Variants in RAD54B observed in about 807,000 individuals in gnomAD.
RAD54B encodes the protein DNA repair and recombination protein RAD54B.
A neutral mutation model predicts 95.8 loss-of-function variants in RAD54B; 78 were observed. The observed-to-expected ratio is 0.81, with a 90% CI of 0.68 to 0.98. The LOEUF is 0.98. Among genes scored for constraint, RAD54B ranks in the 50% least tolerant of loss-of-function variants. The pLI is 0.00. For synonymous variants in RAD54B, 328 were observed against 354.9 expected (o/e 0.92, Z 0.85); for missense variants, 957 against 1,056.6 (o/e 0.91, Z 1.31).
At chr8:94,423,122 G>T (rs947726624) in intron 3 of RAD54B, among the ~76,000 whole-genome samples, 1 of 151,832 alleles carries the variant, frequency 6.6e-6, no homozygotes, top group African/African-American at 2.4e-5. Context: ...GGTGGCTCAC[G>T]CCTGTAATCC....
intron 3 of RAD54B, chr8:94,430,748 G>C (rs1360336010): frequency 3.1e-6 from 3 of 974,716 alleles, no homozygotes; most frequent in Non-Finnish European, 3.7e-6. Flanking sequence ...TTTAAAATTG[G>C]AAGATTCCTC....
At chr8:94,464,016 C>G (rs1238694909) in intron 2 of RAD54B, among the ~76,000 whole-genome samples, 2 of 151,756 alleles carry the variant, frequency 1.3e-5, no homozygotes, top group Non-Finnish European at 2.9e-5. Flanking sequence ...TGGAAACAAC[C>G]CAAATGACCA....
intron 3 of RAD54B, among the ~76,000 whole-genome samples, chr8:94,418,053 AAT>A (rs1369172370): frequency 1.1e-4 from 17 of 152,194 alleles, no homozygotes; most frequent in African/African-American, 3.4e-4. Flanking sequence ...TTCCTTCCCT[AAT>A]GAGAGTGTAT....
At chr8:94,387,604 A>G (rs1050036416) in intron 10 of RAD54B, among the ~76,000 whole-genome samples, 5 of 152,166 alleles carry the variant, frequency 3.3e-5, no homozygotes, top group Non-Finnish European at 7.3e-5. Flanking sequence ...GCTTCATACA[A>G]CACCTTTACA....
chr8:94,466,964 G>T lies in RAD54B; in HGVS notation c.135+441C>A, dbSNP rs189444617. On this transcript the variant is annotated intron_variant, in intron 2 of 14. Coordinates refer to ENST00000336148, the MANE Select transcript of RAD54B (RefSeq NM_012415.3). ...GAATGAGACAGGGTCTTGCTGTGTT[G>T]CCCAGGCTGGATGGAGTGCAGTGGC... 3.4e-3 allele frequency among the ~76,000 whole-genome samples: 519 copies of T among 151,992 alleles called. 1 individual carries two copies. The highest frequency in any genetic ancestry group is 0.012 in the African/African-American group (483 of 41,458).
intron 14 of RAD54B, among the ~76,000 whole-genome samples, chr8:94,374,611 T>C (rs900477235): frequency 9.9e-5 from 15 of 151,944 alleles, no homozygotes; most frequent in Admixed American, 9.8e-4. Context: ...CAAACCCTAA[T>C]GATAAGAAAA....
At chr8:94,427,767 CCAT>C (rs944687405) in intron 3 of RAD54B, 1 of 964,786 alleles carries the variant, frequency 1.0e-6, no homozygotes, top group Non-Finnish European at 1.2e-6. Flanking sequence ...AAGCATTTAA[CCAT>C]CATTATCTAC....
chr8:94,459,774 C>A (rs1207321835), intron 2 of RAD54B, among the ~76,000 whole-genome samples: 1 of 151,234 alleles, frequency 6.6e-6, no homozygotes, highest in Admixed American at 6.6e-5. Flanking sequence ...GCAGGAGAAT[C>A]GCTTGAACTC....
chr8:94,459,446 C>T (rs1157038574), intron 2 of RAD54B, among the ~76,000 whole-genome samples: 6 of 151,866 alleles, frequency 4.0e-5, no homozygotes, highest in African/African-American at 4.8e-5. Flanking sequence ...CCACCATACC[C>T]GGCCTTAAAA....
chr8:94,450,524 T>G (rs1365757930), intron 3 of RAD54B, among the ~76,000 whole-genome samples: 1 of 152,134 alleles, frequency 6.6e-6, no homozygotes, highest in East Asian at 1.9e-4. Context: ...ACAAAAGAAG[T>G]TTTATCATGT....
chr8:94,425,024 T>C (rs562857764), intron 3 of RAD54B, among the ~76,000 whole-genome samples: 3 of 138,426 alleles, frequency 2.2e-5, no homozygotes, highest in East Asian at 4.3e-4. Context: ...ACTGTGCCAC[T>C]GTACTCCAGC....
At chr8:94,406,294 C>A (rs1164120799) in intron 5 of RAD54B, among the ~76,000 whole-genome samples, 1 of 152,036 alleles carries the variant, frequency 6.6e-6, no homozygotes, top group African/African-American at 2.4e-5. Flanking sequence ...TTACTCAGAT[C>A]TCTGAATAAG....
At chr8:94,443,511 T>C (rs1812449010) in intron 3 of RAD54B, among the ~76,000 whole-genome samples, 1 of 149,330 alleles carries the variant, frequency 6.7e-6, no homozygotes, top group African/African-American at 2.5e-5. Context: ...CCCAAGGGAA[T>C]AAAATGAAAT....
intron 10 of RAD54B, among the ~76,000 whole-genome samples, chr8:94,390,352 T>C (rs1810986735): frequency 6.6e-6 from 1 of 150,932 alleles, no homozygotes; most frequent in African/African-American, 2.4e-5. Flanking sequence ...ATACAAAAAT[T>C]AGCTGGGTGT....
At chr8:94,455,221 T>C (rs11786007) in intron 3 of RAD54B, among the ~76,000 whole-genome samples, 18,429 of 152,098 alleles carry the variant, frequency 0.12, 2,030 homozygotes, top group East Asian at 0.33. Context: ...TCTCAAATAT[T>C]ACCAGAGCCT....
At chr8:94,467,773 G>C (rs1333031234) in intron 1 of RAD54B, among the ~76,000 whole-genome samples, 2 of 152,194 alleles carry the variant, frequency 1.3e-5, no homozygotes, top group African/African-American at 4.8e-5. Context: ...AATATGATTA[G>C]CAAGAAGGTA....
At position 94,378,208 on chromosome 8, in the gene RAD54B, A is replaced by G. The variant is rs532194676; in HGVS notation, c.2487T>C (p.Cys829=). 1 of 1,612,058 alleles carries G rather than the reference A, an allele frequency of 6.2e-7. No individual in the cohort carries two copies. The highest frequency in any genetic ancestry group is 2.2e-5 in the East Asian group (1 of 44,836). ...SDCVTHDLLD[C]ECTGEEVHTG... is the part of the protein sequence containing the mutation. Reference sequence around the variant, plus strand: ...TATGAACTTCTTCTCCTGTACACTCACAGTCAAGCAGATCATGAGTAACAC... The same window carrying G: ...TATGAACTTCTTCTCCTGTACACTCGCAGTCAAGCAGATCATGAGTAACAC... Residue 829 remains cysteine (C), a synonymous_variant, in exon 14 of 15, where the codon TGT becomes TGC. Coordinates refer to ENST00000336148, the MANE Select transcript of RAD54B (RefSeq NM_012415.3).
chr8:94,407,908 A>C (rs551457861), intron 4 of RAD54B, among the ~76,000 whole-genome samples, 188 bp from the exon 5 acceptor site: 1 of 152,316 alleles, frequency 6.6e-6, no homozygotes, highest in South Asian at 2.1e-4. Context: ...TACAGCTATC[A>C]AATTAGCCAT....
chr8:94,389,047 C>T (rs980679674), intron 10 of RAD54B, among the ~76,000 whole-genome samples: 4 of 152,154 alleles, frequency 2.6e-5, no homozygotes, highest in South Asian at 2.1e-4. Flanking sequence ...TATGAAAGAA[C>T]GTCCCCAGGG....
Sources: allele counts gnomAD v4.1 joint callset (sites outside exome capture counted in the v4.1 genomes callset), GRCh38; gene constraint gnomAD v4.1.1; transcripts MANE v1.5; gene names NCBI Gene and HGNC (gene_info 2026-07-23, HGNC 2026-07-21).